Variants in OOEP observed in about 807,000 individuals in gnomAD.
OOEP encodes oocyte-expressed protein homolog.
In OOEP, 16 loss-of-function variants were observed where a neutral mutation model predicts 13.7. That is an observed-to-expected ratio of 1.16 (90% confidence interval 0.79 to 1.77). OOEP has a LOEUF of 1.77. Among genes scored for constraint, OOEP ranks in the 40% most tolerant of loss-of-function variants. The probability of loss-of-function intolerance (pLI) is 0.00; values close to 1 mark genes in which losing one functional copy is unlikely to be tolerated. For missense variants in OOEP, 195 were observed against 193.1 expected (o/e 1.01, Z -0.06); for synonymous variants, 89 against 77.1 (o/e 1.15, Z -0.81).
At chr6:73,395,108 T>C (rs1769438348), upstream of OOEP, 1 of 1,613,996 alleles carries the variant, frequency 6.2e-7, no homozygotes, top group African/African-American at 1.3e-5. Context: ...CACGAGGAAC[T>C]GCCGCTGTGT....
chr6:73,376,084 G>C (rs1052840058), intron 2 of OOEP, among the ~76,000 whole-genome samples: 9 of 151,930 alleles, frequency 5.9e-5, no homozygotes, highest in African/African-American at 1.7e-4. Context: ...GCACCCAGCC[G>C]ATCTCCCATT....
upstream of OOEP, chr6:73,369,977 C>T (rs1189526469): frequency 1.7e-6 from 1 of 591,538 alleles, no homozygotes; most frequent in African/African-American, 1.9e-5. Context: ...CCATTGGACA[C>T]TTCCTGCGCT....
rs750249180 is a variant in OOEP, at chr6:73,369,765, A to G, written c.28T>C (p.Ser10Pro). ...GCCGGAGTCTGTTTGCCCCGCTGGG[A>G]CTCAGCGGCACCAGCATCATCGACC... MVDDAGAAE[S>P]QRGKQTPAHS... Residue 10 changes from serine (S) to proline (P), a missense_variant, in exon 1 of 3, where the codon TCC becomes CCC. Coordinates refer to ENST00000370359, the MANE Select transcript of OOEP (RefSeq NM_001080507.3). The G allele has an allele frequency of 1.2e-5, 19 of 1,613,638 alleles. 1 individual carries two copies. The South Asian group carries it at 2.0e-4, about 17-fold the overall frequency.
intron 2 of OOEP, among the ~76,000 whole-genome samples, chr6:73,388,577 AC>A (rs1769305783): frequency 6.6e-6 from 1 of 152,190 alleles, no homozygotes; most frequent in African/African-American, 2.4e-5. Context: ...CCTCCTGGGA[AC>A]TGCACCCATG....
intron 2 of OOEP, among the ~76,000 whole-genome samples, chr6:73,387,184 T>C (rs1769285850): frequency 6.6e-6 from 1 of 151,588 alleles, no homozygotes; most frequent in African/African-American, 2.4e-5. Context: ...TCAGAGTCCA[T>C]CAAAATTCAA....
chr6:73,393,277 C>T (rs989721993), intron 2 of OOEP, among the ~76,000 whole-genome samples: 9 of 151,946 alleles, frequency 5.9e-5, no homozygotes, highest in African/African-American at 9.7e-5. Flanking sequence ...CCACCACACC[C>T]GGCAGGGTCT....
At chr6:73,375,779 A>C (rs1334714427) in intron 2 of OOEP, among the ~76,000 whole-genome samples, 1 of 142,860 alleles carries the variant, frequency 7.0e-6, no homozygotes, top group Non-Finnish European at 1.5e-5. Context: ...GTAAATTGTC[A>C]TAATGATCTC....
chr6:73,391,268 C>T (rs548434510), intron 2 of OOEP: 51 of 152,434 alleles, frequency 3.3e-4, no homozygotes, highest in Non-Finnish European at 5.9e-4. Flanking sequence ...TGCTTTGGCC[C>T]TGTGTGTCTT....
chr6:73,387,105 T>C (rs1472405113), intron 2 of OOEP, among the ~76,000 whole-genome samples: 2 of 151,370 alleles, frequency 1.3e-5, no homozygotes, highest in Admixed American at 6.6e-5. Context: ...TGTTTATATA[T>C]GTATATATAT....
chr6:73,381,704 G>A (rs1769210653), intron 2 of OOEP, among the ~76,000 whole-genome samples: 1 of 152,162 alleles, frequency 6.6e-6, no homozygotes, highest in Non-Finnish European at 1.5e-5. Flanking sequence ...AACCAGGCTG[G>A]GCGCGGTGGC....
intron 2 of OOEP, chr6:73,391,599 T>G (rs1457338266): frequency 6.4e-6 from 1 of 155,270 alleles, no homozygotes; most frequent in Non-Finnish European, 1.4e-5. Flanking sequence ...GCCTCGTCTG[T>G]TGTCCCCACC....
chr6:73,371,673 C>T (rs1769057715), upstream of OOEP, among the ~76,000 whole-genome samples: 1 of 151,972 alleles, frequency 6.6e-6, no homozygotes, highest in African/African-American at 2.4e-5. Flanking sequence ...TCACTTGAAC[C>T]CAGGAGGCGG....
intron 2 of OOEP, among the ~76,000 whole-genome samples, chr6:73,382,573 C>T (rs1191501978): frequency 1.3e-5 from 2 of 151,890 alleles, no homozygotes; most frequent in African/African-American, 2.4e-5. Context: ...GTTGTCCAGA[C>T]TGGTTTCAAA....
chr6:73,394,874 C>T, exon 1 of OOEP: 1 of 1,608,980 alleles, frequency 6.2e-7, no homozygotes, highest in Non-Finnish European at 8.5e-7. Context: ...AGCTGGACGG[C>T]AACGACGTCG....
At position 73,388,597 on chromosome 6, in the gene OOEP, A is replaced by G. The variant is rs187503639; in HGVS notation, c.25+5749T>C. Among the ~76,000 whole-genome samples the G allele has an allele frequency of 1.7e-3, 262 of 152,236 alleles. 1 individual carries two copies. The highest frequency in any genetic ancestry group is 6.0e-3 in the African/African-American group (251 of 41,514). On this transcript the variant is annotated intron_variant, in intron 2 of 3. Transcript: ENST00000370363. ...TGGGAACTGCACCCATGGGTTCCTG[A>G]GAGGCAAAGTGGCAGAACAGAAAAT...
rs1769007936 is a variant in OOEP, at chr6:73,369,384, G to A, written c.192C>T (p.Gly64=). ...TTTCTGGAATTATGGCTCGGTCTGGGCCTAAACAAGTAAGGAAAAACTCTG... is the reference window on the plus strand; with the variant it reads ...TTTCTGGAATTATGGCTCGGTCTGGACCTAAACAAGTAAGGAAAAACTCTG... The part of the protein sequence containing the change: ...LEAWLADELF[G]PDRAIIPEME... Residue 64 remains glycine (G), a splice_region_variant and synonymous_variant, in exon 2 of 3, where the codon GGC becomes GGT. Transcript: ENST00000370359. 3.1e-6 allele frequency: 5 copies of A among 1,608,992 alleles called. No homozygotes were observed. The highest frequency in any genetic ancestry group is 3.4e-6 in the Non-Finnish European group (4 of 1,177,778).
At chr6:73,395,154 C>A, upstream of OOEP, 1 of 1,608,898 alleles carries the variant, frequency 6.2e-7, no homozygotes, top group South Asian at 1.1e-5. Context: ...GCGCGGTAAT[C>A]GGTGAGAATG....
intron 2 of OOEP, among the ~76,000 whole-genome samples, chr6:73,379,170 G>T (rs1018964676): frequency 1.3e-5 from 2 of 151,598 alleles, no homozygotes; most frequent in Non-Finnish European, 2.9e-5. Context: ...GATTACAGGC[G>T]TGCGCCACCA....
rs1049860749 is a variant in OOEP, at chr6:73,390,747, T to A, written c.25+3599A>T. 3.6e-4 allele frequency among the ~76,000 whole-genome samples: 52 copies of A among 146,458 alleles called. No individual in the cohort carries two copies. The Middle Eastern group carries it at 0.014, about 39-fold the overall frequency. On this transcript the variant is annotated intron_variant, in intron 2 of 3. Transcript: ENST00000370363. ...ATGCACCACCATGCCCAGCTAATTT[T>A]TTTTTTCTTTTTTTTTCTTTTTTTT...
Sources: allele counts gnomAD v4.1 joint callset (sites outside exome capture counted in the v4.1 genomes callset), GRCh38; gene constraint gnomAD v4.1.1; transcripts MANE v1.5; gene names NCBI Gene and HGNC (gene_info 2026-07-23, HGNC 2026-07-21).